The following KIRREL3 variants were observed in gnomAD, a reference collection of about 807,000 sequenced individuals.
The protein encoded by KIRREL3 is kin of IRRE-like protein 3.
In KIRREL3, 36 loss-of-function variants were observed where a neutral mutation model predicts 89.7. The ratio of observed to expected loss-of-function variants is 0.40; its 90% CI spans 0.31 to 0.53. The LOEUF is 0.53. Among genes scored for constraint, KIRREL3 ranks in the 20% least tolerant of loss-of-function variants. The pLI is 0.49. For missense variants in KIRREL3, 864 were observed against 1,056.6 expected (o/e 0.82, Z 2.53); for synonymous variants, 445 against 441.4 (o/e 1.01, Z -0.10).
chr11:126,769,454 G>A lies in KIRREL3; in HGVS notation c.56-206542C>T, dbSNP rs1173651510. Among the ~76,000 whole-genome samples, 6 of 152,100 alleles carry A rather than the reference G, an allele frequency of 3.9e-5. No individual in the cohort carries two copies. The highest frequency in any genetic ancestry group is 6.5e-5 in the Admixed American group (1 of 15,272). On this transcript the variant is annotated intron_variant, in intron 1 of 16. Transcript: ENST00000525144. This position sits in a 1 kb window ranked among gnomAD's most constrained non-coding sequence, Gnocchi z 4.3. ...GGATAGATATTGCCATCAAGAAGAGGGGCCCACTCCCCGTGAAAACCGTGC... is the reference window on the plus strand; with the variant it reads ...GGATAGATATTGCCATCAAGAAGAGAGGCCCACTCCCCGTGAAAACCGTGC...
At chr11:126,786,491 T>A (rs1950491442) in intron 1 of KIRREL3, among the ~76,000 whole-genome samples, 1 of 152,132 alleles carries the variant, frequency 6.6e-6, no homozygotes, top group Non-Finnish European at 1.5e-5. Context: ...TAGAAACACA[T>A]AATAATGGTC....
chr11:126,862,725 A>T (rs1383942754), intron 1 of KIRREL3, among the ~76,000 whole-genome samples: 1 of 152,190 alleles, frequency 6.6e-6, no homozygotes, highest in Admixed American at 6.5e-5. Flanking sequence ...AGGCCTCATT[A>T]TTCCATCTAT....
chr11:126,699,929 C>G (rs1947246284), intron 1 of KIRREL3, among the ~76,000 whole-genome samples: 1 of 152,122 alleles, frequency 6.6e-6, no homozygotes, highest in African/African-American at 2.4e-5. Context: ...CATGGAGGCT[C>G]ATGTGTGTAA....
At position 126,495,382 on chromosome 11, in the gene KIRREL3, C is replaced by T. The variant is rs1957629668; in HGVS notation, c.434-21916G>A. ...GAACCTCCCTCTCTGCGCCCTACCT[C>T]CAGCACCCTCTGACCTCCCTGCCTG... On this transcript the variant is annotated intron_variant, in intron 4 of 16. Transcript: ENST00000525144. The surrounding 1 kb of genome is among the most constrained non-coding windows in gnomAD (Gnocchi z 6.5). Among the ~76,000 whole-genome samples, 1 of 152,142 alleles carries T rather than the reference C, an allele frequency of 6.6e-6. No homozygotes were observed. The highest frequency in any genetic ancestry group is 2.4e-5 in the African/African-American group (1 of 41,424).
At chr11:126,730,543 G>C (rs1948576046) in intron 1 of KIRREL3, among the ~76,000 whole-genome samples, 1 of 152,102 alleles carries the variant, frequency 6.6e-6, no homozygotes, top group Non-Finnish European at 1.5e-5. Flanking sequence ...TCCCCACCTA[G>C]GGGACATTTG....
At chr11:126,701,501 T>C (rs1204197495) in intron 1 of KIRREL3, among the ~76,000 whole-genome samples, 3 of 152,080 alleles carry the variant, frequency 2.0e-5, no homozygotes, top group Non-Finnish European at 1.5e-5. Context: ...GCTTGCAATC[T>C]CTCAGCCTGT....
intron 1 of KIRREL3, among the ~76,000 whole-genome samples, chr11:126,923,232 T>TTC (rs1947506278): frequency 2.1e-5 from 1 of 48,104 alleles, no homozygotes; most frequent in African/African-American, 8.3e-5. Flanking sequence ...CTTCTTCTTC[T>TTC]TCTTCTTCTT....
rs1031595598 is a variant in KIRREL3 at position 126,668,017 on chromosome 11, T to C, written c.56-105105A>G. Reference sequence around the variant, plus strand: ...TTTAGTGATTCACAGCTGGGAATCTTCTGTGTCTGAACAATTTCAGCCCCT... The same window carrying C: ...TTTAGTGATTCACAGCTGGGAATCTCCTGTGTCTGAACAATTTCAGCCCCT... On this transcript the variant is annotated intron_variant, in intron 1 of 16. Transcript: ENST00000525144. This position sits in a 1 kb window ranked among gnomAD's most constrained non-coding sequence, Gnocchi z 4.4. Among the ~76,000 whole-genome samples the C allele has an allele frequency of 6.6e-6, 1 of 152,226 alleles. No individual in the cohort carries two copies. The highest frequency in any genetic ancestry group is 2.4e-5 in the African/African-American group (1 of 41,468).
intron 1 of KIRREL3, among the ~76,000 whole-genome samples, chr11:126,648,786 A>G (rs567520429): frequency 1.3e-5 from 2 of 152,332 alleles, no homozygotes; most frequent in South Asian, 2.1e-4. Flanking sequence ...ATAATGAGCT[A>G]TGTTTTAAGA....
chr11:126,717,592 A>T (rs911062337), intron 1 of KIRREL3, among the ~76,000 whole-genome samples: 1 of 152,068 alleles, frequency 6.6e-6, no homozygotes, highest in Non-Finnish European at 1.5e-5. Context: ...ATCCTCACTC[A>T]TCTCTGTCCT....
At chr11:126,836,923 A>C (rs1393607552) in intron 1 of KIRREL3, among the ~76,000 whole-genome samples, 1 of 152,128 alleles carries the variant, frequency 6.6e-6, no homozygotes, top group Non-Finnish European at 1.5e-5. Context: ...CTGCCTTCTA[A>C]CAGAACCTGA....
intron 1 of KIRREL3, among the ~76,000 whole-genome samples, chr11:126,667,387 G>A (rs1470242281): frequency 6.6e-6 from 1 of 152,242 alleles, no homozygotes; most frequent in Non-Finnish European, 1.5e-5. Context: ...GATTTAGAAT[G>A]AGCCGGGCTG....
rs1008943974 is a variant in KIRREL3, at chr11:126,719,869, C to T, written c.56-156957G>A. Among the ~76,000 whole-genome samples, 7 of 152,204 alleles carry T rather than the reference C, an allele frequency of 4.6e-5. No individual in the cohort carries two copies. Among genetic ancestry groups the T allele is most frequent in the African/African-American group, 1.7e-4 (7 of 41,456 alleles). Reference sequence around the variant, plus strand: ...CTTCCCTGCTTCAGCCTCTTCTTAACCCAGTGGCCACAGCCATCCTTACGC... The same window carrying T: ...CTTCCCTGCTTCAGCCTCTTCTTAATCCAGTGGCCACAGCCATCCTTACGC... On this transcript the variant is annotated intron_variant, in intron 1 of 16. Transcript: ENST00000525144. This position sits in a 1 kb window ranked among gnomAD's most constrained non-coding sequence, Gnocchi z 4.7.
intron 7 of KIRREL3, among the ~76,000 whole-genome samples, chr11:126,452,342 G>T (rs997200999): frequency 7.2e-5 from 11 of 152,342 alleles, no homozygotes; most frequent in African/African-American, 2.2e-4. Flanking sequence ...TGCGGCAAAT[G>T]AATTCAGTTC....
Position 126,682,006 on chromosome 11 carries a change from G to T in KIRREL3, c.56-119094C>A, listed in dbSNP as rs145442734. The T allele has an allele frequency of 7.7e-5, 31 of 400,872 alleles. No homozygotes were observed. Among genetic ancestry groups the T allele is most frequent in the Admixed American group, 7.7e-4 (27 of 34,920 alleles). 24.8% of individuals were successfully genotyped at this position (400,872 alleles called of 1,614,324 possible). ...GAGTTTGGGAATCAGGAGACCAGAT[G>T]TCAAGACTGGACTACATCTTTATAT... On this transcript the variant is annotated intron_variant, in intron 1 of 16. Transcript: ENST00000525144. The surrounding 1 kb of genome is among the most constrained non-coding windows in gnomAD (Gnocchi z 4.8).
rs1284504765 is a variant in KIRREL3, at chr11:126,566,104, C to A, written c.56-3192G>T. ...GTGCTGTCTTTGGCTTTATCAGTAGCAGAAACACCCAGATACTCTAAAGCT... is the reference window on the plus strand; with the variant it reads ...GTGCTGTCTTTGGCTTTATCAGTAGAAGAAACACCCAGATACTCTAAAGCT... On this transcript the variant is annotated intron_variant, in intron 1 of 16. Coordinates refer to ENST00000525144, the MANE Select transcript of KIRREL3 (RefSeq NM_032531.4). This position sits in a 1 kb window ranked among gnomAD's most constrained non-coding sequence, Gnocchi z 4.9. Among the ~76,000 whole-genome samples the A allele has an allele frequency of 6.6e-6, 1 of 150,972 alleles. No individual in the cohort carries two copies. Among genetic ancestry groups the A allele is most frequent in the East Asian group, 1.9e-4 (1 of 5,136 alleles).
At chr11:126,448,645 T>C (rs1054984502) in intron 8 of KIRREL3, among the ~76,000 whole-genome samples, 5 of 152,140 alleles carry the variant, frequency 3.3e-5, no homozygotes, top group Admixed American at 2.0e-4. Context: ...CCCCAAGAGC[T>C]TGCTTCTCTC....
intron 4 of KIRREL3, among the ~76,000 whole-genome samples, chr11:126,497,131 T>A (rs950560835): frequency 3.3e-5 from 5 of 151,176 alleles, no homozygotes; most frequent in African/African-American, 7.3e-5. Flanking sequence ...TGTGTGTGTG[T>A]GACAGAGAGA....
chr11:126,727,689 G>T (rs971206565), intron 1 of KIRREL3, among the ~76,000 whole-genome samples: 1 of 152,306 alleles, frequency 6.6e-6, no homozygotes, highest in African/African-American at 2.4e-5. Flanking sequence ...ACAAAGTGGA[G>T]AATTCGATTT....
Sources: allele counts gnomAD v4.1 joint callset (sites outside exome capture counted in the v4.1 genomes callset), GRCh38; gene constraint gnomAD v4.1.1; non-coding constraint Gnocchi (gnomAD v3.1); transcripts MANE v1.5; gene names NCBI Gene and HGNC (gene_info 2026-07-23, HGNC 2026-07-21).